The following CNTN1 variants were observed in gnomAD, a reference collection of about 807,000 sequenced individuals.
CNTN1 encodes the protein contactin 1, also known as contactin-1.
CNTN1 carries 38 observed loss-of-function variants against 126.4 expected under a neutral mutation model. The observed-to-expected ratio is 0.30, with a 90% confidence interval of 0.23 to 0.39. The LOEUF is 0.39. Among genes scored for constraint, CNTN1 ranks in the 10% least tolerant of loss-of-function variants. CNTN1 has a pLI of 1.00. For synonymous variants in CNTN1, 413 were observed against 422.6 expected (o/e 0.98, Z 0.28); for missense variants, 1,009 against 1,248.4 (o/e 0.81, Z 2.89).
intron 15 of CNTN1, among the ~76,000 whole-genome samples, chr12:40,977,891 C>T (rs1182664202): frequency 6.6e-6 from 1 of 152,080 alleles, no homozygotes; most frequent in East Asian, 1.9e-4. Flanking sequence ...CAACCTCTGC[C>T]TCCCAGGTTC....
intron 3 of CNTN1, among the ~76,000 whole-genome samples, chr12:40,911,982 A>G (rs1185435833): frequency 6.6e-6 from 1 of 152,082 alleles, no homozygotes. Context: ...AATGTCTGCG[A>G]ATTACTCAGG....
rs777953120 is a variant in CNTN1 at position 40,822,148 on chromosome 12, C to CTTTTTTTTTTTTTTTTTTTTTTTTT, written c.-76-86185_-76-86184insTTTTTTTTTTTTTTTTTTTTTTTTT. On this transcript the variant is annotated intron_variant, in intron 1 of 23. Transcript: ENST00000551295. ...TTTCCAGTCTAGACAAAATATAAATCTTTTTTTTTTTTTTTTTTTTTTTTG... is the reference window on the plus strand; with the variant it reads ...TTTCCAGTCTAGACAAAATATAAATCTTTTTTTTTTTTTTTTTTTTTTTTTTTTTTTTTTTTTTTTTTTTTTTTTG... 2.8e-3 allele frequency among the ~76,000 whole-genome samples: 131 copies of CTTTTTTTTTTTTTTTTTTTTTTTTT among 47,266 alleles called. 26 individuals are homozygous for CTTTTTTTTTTTTTTTTTTTTTTTTT. The highest frequency in any genetic ancestry group is 4.3e-3 in the Non-Finnish European group (101 of 23,478). The allele number at this position is 47,266 out of a possible 152,430, so 31.0% of individuals were successfully genotyped here. A position where few individuals can be genotyped will look rare whatever the true frequency, so the allele number is the denominator to read the frequency against.
At chr12:40,916,742 C>G (rs1199771659) in intron 3 of CNTN1, among the ~76,000 whole-genome samples, 2 of 152,000 alleles carry the variant, frequency 1.3e-5, no homozygotes, top group East Asian at 3.9e-4. Flanking sequence ...TTGTGGTAGG[C>G]ACATGGAGTC....
At chr12:40,893,408 A>C (rs902030284) in intron 1 of CNTN1, among the ~76,000 whole-genome samples, 11 of 152,132 alleles carry the variant, frequency 7.2e-5, no homozygotes, top group Non-Finnish European at 1.6e-4. Context: ...TGCATTCTTC[A>C]ACCTCCAAAT....
rs1455768055 is a variant in CNTN1, at chr12:40,773,668, TATATACAC to T, written c.-77+81082_-77+81089del. Among the ~76,000 whole-genome samples, 21 of 9,368 alleles carry T rather than the reference TATATACAC, an allele frequency of 2.2e-3. 1 individual carries two copies. Among genetic ancestry groups the T allele is most frequent in the Middle Eastern group, 0.062 (1 of 16 alleles). The allele number at this position is 9,368 out of a possible 152,430, so 6.1% of individuals were successfully genotyped here. ...ATATATATATATACACATATATATA[TATATACAC>T]ATATATATATATATATACACATATA... On this transcript the variant is annotated intron_variant, in intron 1 of 23. Transcript: ENST00000551295.
intron 1 of CNTN1, among the ~76,000 whole-genome samples, chr12:40,854,978 AG>A (rs1464542652): frequency 1.3e-5 from 2 of 152,106 alleles, no homozygotes; most frequent in Non-Finnish European, 2.9e-5. Context: ...GGGAGGTGAT[AG>A]GGAAGGCAAT....
intron 1 of CNTN1, among the ~76,000 whole-genome samples, chr12:40,873,100 T>C (rs1304407735): frequency 2.0e-5 from 3 of 152,134 alleles, no homozygotes; most frequent in African/African-American, 4.8e-5. Flanking sequence ...CCAATAAAAG[T>C]ATCACAATCA....
chr12:40,939,204 C>G lies in CNTN1; in HGVS notation c.1229-131C>G, dbSNP rs1946181083. 4.2e-6 allele frequency: 4 copies of G among 959,330 alleles called. No homozygotes were observed. The South Asian group carries it at 6.1e-5, about 15-fold the overall frequency. The allele number at this position is 959,330 out of a possible 1,614,324, so 59.4% of individuals were successfully genotyped here. On this transcript the variant is annotated intron_variant, in intron 11 of 23. Coordinates refer to ENST00000551295, the MANE Select transcript of CNTN1 (RefSeq NM_001843.4). ...TTAGGTATAGAATGCCTATTGGTGA[C>G]AGCTGATCATATTTACCGAGATTAA...
At position 40,979,366 on chromosome 12, in the gene CNTN1, C is replaced by T. The variant is rs1008921221; in HGVS notation, c.1805-1543C>T. 5 of 151,940 alleles carry T rather than the reference C, an allele frequency of 3.3e-5. No individual in the cohort carries two copies. The East Asian group carries it at 9.7e-4, about 29-fold the overall frequency. The allele number at this position is 151,940 out of a possible 1,614,324, so 9.4% of individuals were successfully genotyped here. A position where few individuals can be genotyped will look rare whatever the true frequency, so the allele number is the denominator to read the frequency against. On this transcript the variant is annotated intron_variant, in intron 15 of 23. Transcript: ENST00000551295. The stretch of plus-strand genomic sequence containing the variant: ...GTGAAGGTTTGGGGTGTTGGCCATA[C>T]CTCTGCAAATACCAATGTTCTTATA...
chr12:40,858,969 G>A (rs999063609), intron 1 of CNTN1, among the ~76,000 whole-genome samples: 4 of 151,970 alleles, frequency 2.6e-5, no homozygotes, highest in Non-Finnish European at 5.9e-5. Flanking sequence ...ACACACTGGG[G>A]CCTGTCAGAG....
At chr12:40,958,379 GTA>G (rs371856896) in intron 14 of CNTN1, among the ~76,000 whole-genome samples, 9 of 140,232 alleles carry the variant, frequency 6.4e-5, no homozygotes, top group African/African-American at 8.1e-5. Context: ...GTGTGTGTGT[GTA>G]TGTATGTATG....
intron 19 of CNTN1, among the ~76,000 whole-genome samples, chr12:41,019,289 T>C (rs1948854634): frequency 6.6e-6 from 1 of 152,248 alleles, no homozygotes. Context: ...TTTTACTGCT[T>C]TACTTGATGC....
chr12:41,008,613 A>C (rs1948565257), intron 17 of CNTN1, among the ~76,000 whole-genome samples: 1 of 152,202 alleles, frequency 6.6e-6, no homozygotes, highest in South Asian at 2.1e-4. Context: ...TGACATGCTT[A>C]AACTTTCTGG....
chr12:40,922,738 T>C (rs1478862820), intron 5 of CNTN1, among the ~76,000 whole-genome samples: 1 of 152,004 alleles, frequency 6.6e-6, no homozygotes, highest in African/African-American at 2.4e-5. Context: ...TTTGGGAGGC[T>C]GAGGCTGGTG....
intron 15 of CNTN1, among the ~76,000 whole-genome samples, chr12:40,978,416 C>T (rs754501353): frequency 6.6e-6 from 1 of 151,910 alleles, no homozygotes; most frequent in African/African-American, 2.4e-5. Context: ...TTCCATTTGT[C>T]TTCTCGATTC....
intron 1 of CNTN1, among the ~76,000 whole-genome samples, chr12:40,793,052 C>G (rs532093863): frequency 6.6e-6 from 1 of 151,970 alleles, no homozygotes; most frequent in African/African-American, 2.4e-5. Flanking sequence ...GATTAACTCA[C>G]AGAAAAAAAG....
chr12:40,734,874 C>T (rs1579212), intron 1 of CNTN1, among the ~76,000 whole-genome samples: 150,060 of 152,172 alleles, frequency 0.99, 74,011 homozygotes, highest in Middle Eastern at 1. Flanking sequence ...GAGGTGTTTT[C>T]TCACAAGAAG....
chr12:41,052,863 A>C (rs1949718309), intron 23 of CNTN1, among the ~76,000 whole-genome samples: 1 of 152,040 alleles, frequency 6.6e-6, no homozygotes, highest in Non-Finnish European at 1.5e-5. Flanking sequence ...AATTTAAGCC[A>C]AAAAGAATTC....
intron 3 of CNTN1, among the ~76,000 whole-genome samples, chr12:40,917,455 T>G (rs1945286418): frequency 6.6e-6 from 1 of 152,172 alleles, no homozygotes; most frequent in Non-Finnish European, 1.5e-5. Context: ...AAAGGCACAC[T>G]GATAATGTTA....
Sources: gnomAD v4.1 joint callset for allele counts (sites outside exome capture counted in the v4.1 genomes callset) on GRCh38, gnomAD v4.1.1 for gene constraint, MANE v1.5 for transcripts, NCBI Gene and HGNC (gene_info 2026-07-23, HGNC 2026-07-21) for gene names.